Variants in CPA6 observed in about 807,000 individuals in gnomAD.
CPA6 encodes the protein carboxypeptidase A6, also known as carboxypeptidase B.
CPA6 carries 58 observed loss-of-function variants against 63.3 expected under a neutral mutation model. That is an observed-to-expected ratio of 0.92 (90% CI 0.74 to 1.14). The LOEUF is 1.14. CPA6 is among the 50% of genes most tolerant of loss of function. The pLI, the probability that CPA6 is intolerant of heterozygous loss-of-function variation, is 0.00. For synonymous variants in CPA6, 185 were observed against 179.0 expected (o/e 1.03, Z -0.27); for missense variants, 565 against 526.6 (o/e 1.07, Z -0.71).
intron 3 of CPA6, among the ~76,000 whole-genome samples, chr8:67,516,548 T>C (rs764647616): frequency 2.0e-5 from 3 of 152,236 alleles, no homozygotes; most frequent in Non-Finnish European, 4.4e-5. Context: ...TAATTCTAAC[T>C]GCTAAGAACA....
chr8:67,679,788 C>T (rs1213010488), intron 1 of CPA6, among the ~76,000 whole-genome samples: 2 of 152,138 alleles, frequency 1.3e-5, no homozygotes, highest in Non-Finnish European at 2.9e-5. Flanking sequence ...ATTTAGAGGG[C>T]ATTTCCATAG....
At chr8:67,569,520 A>G (rs531573648) in intron 2 of CPA6, 43 of 449,046 alleles carry the variant, frequency 9.6e-5, no homozygotes, top group Admixed American at 8.2e-4. Flanking sequence ...ATGAATCAGT[A>G]CCAGAGCTTG....
At chr8:67,531,580 A>G (rs949482366) in intron 2 of CPA6, among the ~76,000 whole-genome samples, 6 of 152,154 alleles carry the variant, frequency 3.9e-5, no homozygotes, top group African/African-American at 1.4e-4. Context: ...GTATGCTCCT[A>G]TGTACATTTA....
intron 6 of CPA6, 96 bp from the exon 7 acceptor site, chr8:67,484,885 A>T: frequency 1.7e-6 from 1 of 605,586 alleles, no homozygotes; most frequent in South Asian, 2.4e-5. Flanking sequence ...ACTACCAAAT[A>T]CGGTGGTTTA....
intron 8 of CPA6, among the ~76,000 whole-genome samples, chr8:67,475,686 ACT>A (rs1420337201): frequency 6.7e-6 from 1 of 149,286 alleles, no homozygotes; most frequent in Non-Finnish European, 1.5e-5. Flanking sequence ...TCAGAGCAGG[ACT>A]CTTTCTTTTC....
intron 2 of CPA6, among the ~76,000 whole-genome samples, chr8:67,584,040 C>T (rs1386599725): frequency 1.3e-5 from 2 of 152,140 alleles, no homozygotes. Context: ...TGCCTGTAAT[C>T]CCAGCTACTT....
intron 3 of CPA6, among the ~76,000 whole-genome samples, chr8:67,514,224 C>G (rs1268851415): frequency 6.6e-6 from 1 of 152,094 alleles, no homozygotes; most frequent in Non-Finnish European, 1.5e-5. Context: ...TCCCAAAGTG[C>G]TGGGATTACA....
At position 67,483,870 on chromosome 8, in the gene CPA6, T is replaced by C; in HGVS notation, c.748-12A>G. On this transcript the variant is annotated splice_polypyrimidine_tract_variant and intron_variant, in intron 7 of 10. Transcript: ENST00000297770. ...CTCCAAAATCGATCCTAGACATAAT[T>C]AAGAAAACAGGTGCTGAGAAAAATA... is the stretch of plus-strand genomic sequence containing the variant. The C allele has an allele frequency of 1.2e-6, 2 of 1,604,128 alleles. No individual in the cohort carries two copies. Among genetic ancestry groups the C allele is most frequent in the Non-Finnish European group, 1.7e-6 (2 of 1,170,964 alleles).
chr8:67,685,554 G>A (rs2128996566), intron 1 of CPA6, among the ~76,000 whole-genome samples: 1 of 152,344 alleles, frequency 6.6e-6, no homozygotes, highest in Non-Finnish European at 1.5e-5. Flanking sequence ...GGGAGGCGGA[G>A]CTTGCAGTGA....
intron 1 of CPA6, among the ~76,000 whole-genome samples, chr8:67,711,772 T>C (rs142566291): frequency 6.6e-6 from 1 of 151,136 alleles, no homozygotes; most frequent in African/African-American, 2.4e-5. Context: ...GGATTCAGGA[T>C]AAAGAGGGAG....
chr8:67,437,961 G>C (rs1810200109), intron 8 of CPA6, among the ~76,000 whole-genome samples: 2 of 152,234 alleles, frequency 1.3e-5, no homozygotes, highest in South Asian at 4.1e-4. Flanking sequence ...AGTCGCTCAG[G>C]CTGGAGTGCA....
intron 1 of CPA6, among the ~76,000 whole-genome samples, chr8:67,710,999 A>G (rs1055290308): frequency 6.6e-6 from 1 of 152,218 alleles, no homozygotes; most frequent in Non-Finnish European, 1.5e-5. Context: ...CCCAGACCAC[A>G]GAGATTCCCA....
chr8:67,685,177 C>A (rs1391115221), intron 1 of CPA6, among the ~76,000 whole-genome samples: 1 of 152,138 alleles, frequency 6.6e-6, no homozygotes, highest in South Asian at 2.1e-4. Flanking sequence ...AAGCTGGGTG[C>A]TTTTTGGCTG....
At chr8:67,573,585 A>C (rs1813541904) in intron 2 of CPA6, among the ~76,000 whole-genome samples, 1 of 152,158 alleles carries the variant, frequency 6.6e-6, no homozygotes, top group African/African-American at 2.4e-5. Context: ...ACTGTACACA[A>C]AAAACTATAA....
chr8:67,622,381 G>C (rs771440995), intron 2 of CPA6, among the ~76,000 whole-genome samples: 2 of 152,224 alleles, frequency 1.3e-5, no homozygotes, highest in Non-Finnish European at 2.9e-5. Flanking sequence ...AGAGGTTAAC[G>C]ATAGCCTCCT....
intron 1 of CPA6, among the ~76,000 whole-genome samples, chr8:67,644,497 A>G (rs444972): frequency 0.64 from 96,879 of 152,022 alleles, 31,987 homozygotes; most frequent in African/African-American, 0.82. Context: ...CCAAAAGCAC[A>G]GTAACTCTAA....
chr8:67,439,059 C>T (rs1039875079), intron 8 of CPA6, among the ~76,000 whole-genome samples: 21 of 152,162 alleles, frequency 1.4e-4, no homozygotes, highest in African/African-American at 5.1e-4. Flanking sequence ...CTTTGGGAGG[C>T]TGAGCATGGA....
chr8:67,739,322 T>A (rs1026823944), intron 1 of CPA6, among the ~76,000 whole-genome samples: 3 of 152,106 alleles, frequency 2.0e-5, no homozygotes, highest in African/African-American at 7.2e-5. Flanking sequence ...TGATAAACAA[T>A]CAGCACTTAG....
Position 67,428,128 on chromosome 8 carries a change from A to T in CPA6, c.1045T>A (p.Ser349Thr). ...ATIPNFRCVE[S>T]AAYKAVNALQ... ...GCATTCACAGCTTTATAAGCTGCAG[A>T]TTCCTATGAGGGAAAATGGGGAAAT... is the stretch of plus-strand genomic sequence containing the variant. The change falls in exon 10 of 11, where the codon TCT becomes ACT. Residue 349 changes from serine to threonine, a missense_variant. Transcript: ENST00000297770. The T allele has an allele frequency of 6.2e-7, 1 of 1,606,800 alleles. No individual in the cohort carries two copies. The highest frequency in any genetic ancestry group is 8.5e-7 in the Non-Finnish European group (1 of 1,173,718).
Sources: gnomAD v4.1 joint callset for allele counts (sites outside exome capture counted in the v4.1 genomes callset) on GRCh38, gnomAD v4.1.1 for gene constraint, MANE v1.5 for transcripts, NCBI Gene and HGNC (gene_info 2026-07-23, HGNC 2026-07-21) for gene names.